PLXNB1: variants seen among roughly 807,000 people sequenced by gnomAD.
PLXNB1 encodes the protein plexin B1, also known as plexin-B1.
A neutral mutation model predicts 209.4 loss-of-function variants in PLXNB1; 106 were observed. That is an observed-to-expected ratio of 0.51 (90% CI 0.43 to 0.59). PLXNB1 has a LOEUF of 0.59. PLXNB1 is among the 20% of genes least tolerant of loss of function. The pLI, the probability that PLXNB1 is intolerant of heterozygous loss-of-function variation, is 0.00. For synonymous variants in PLXNB1, 1,167 were observed against 1,183.2 expected (o/e 0.99, Z 0.28); for missense variants, 2,357 against 2,853.2 (o/e 0.83, Z 3.96).
chr3:48,409,606 G>A lies in PLXNB1; in HGVS notation c.5904C>T (p.Ser1968=), dbSNP rs376514812. Residue 1968 remains serine (S), a synonymous_variant, in exon 33 of 38, where the codon TCC becomes TCT. Coordinates refer to ENST00000296440, the MANE Select transcript of PLXNB1 (RefSeq NM_001130082.3). The surrounding 1 kb of genome is among the most constrained non-coding windows in gnomAD (Gnocchi z 5.8). Reference sequence around the variant, plus strand: ...TCCAGATGTGGATGGTGTCCTGGTCGGAGATGCCATGCTGCTGGGCCTGCT... The same window carrying A: ...TCCAGATGTGGATGGTGTCCTGGTCAGAGATGCCATGCTGCTGGGCCTGCT... ...LDEQAQQHGI[S]DQDTIHIWKT... is the part of the protein sequence containing the mutation. The A allele has an allele frequency of 6.8e-6, 11 of 1,614,014 alleles. No homozygotes were observed. In the Admixed American group the frequency reaches 1.2e-4, roughly 17 times the overall value.
At position 48,410,049 on chromosome 3, in the gene PLXNB1, C is replaced by G. The variant is rs377668722; in HGVS notation, c.5634G>C (p.Glu1878Asp). The G allele has an allele frequency of 1.9e-6, 3 of 1,605,512 alleles. No homozygotes were observed. Among genetic ancestry groups the G allele is most frequent in the East Asian group, 2.2e-5 (1 of 44,758 alleles). The change falls in exon 32 of 38, where the codon GAG (glutamate) becomes GAC (aspartate). Residue 1878 changes from glutamate (E) to aspartate (D), a missense_variant. Coordinates refer to ENST00000296440, the MANE Select transcript of PLXNB1 (RefSeq NM_001130082.3). This position sits in a 1 kb window ranked among gnomAD's most constrained non-coding sequence, Gnocchi z 6.4. ...CCAGGTGCCAGGGCCGGATGCCCCC[C>G]TCATCTACATCCTCCAGCATTGGGG... is the stretch of plus-strand genomic sequence containing the variant. ...ERTPMLEDVD[E>D]GGIRPWHLVK...
chr3:48,410,644 G>T lies in PLXNB1; in HGVS notation c.5417-86C>A. The T allele has an allele frequency of 8.4e-7, 1 of 1,183,896 alleles. No individual in the cohort carries two copies. The highest frequency in any genetic ancestry group is 1.2e-6 in the Non-Finnish European group (1 of 805,990). 73.3% of individuals were successfully genotyped at this position (1,183,896 alleles called of 1,614,324 possible). ...CATCTCCTCCTCCACAGGGACACCA[G>T]CCCCTCCATCATGGGGCAGCCTTAC... On this transcript the variant is annotated intron_variant, in intron 29 of 37. Coordinates refer to ENST00000296440, the MANE Select transcript of PLXNB1 (RefSeq NM_001130082.3). The surrounding 1 kb of genome is among the most constrained non-coding windows in gnomAD (Gnocchi z 6.4).
chr3:48,404,731 G>A, intron 37 of PLXNB1, 141 bp from the exon 38 acceptor site: 2 of 591,954 alleles, frequency 3.4e-6, no homozygotes, highest in East Asian at 2.9e-5. Flanking sequence ...CGTACTTTCT[G>A]GGACCTCAGG....
rs542240925 is a variant in PLXNB1, at chr3:48,420,125, C to G, written c.2161G>C (p.Ala721Pro). 1 of 1,523,826 alleles carries G rather than the reference C, an allele frequency of 6.6e-7. No individual in the cohort carries two copies. Among genetic ancestry groups the G allele is most frequent in the African/African-American group, 1.4e-5 (1 of 71,470 alleles). The allele number at this position is 1,523,826 out of a possible 1,614,324, so 94.4% of individuals were successfully genotyped here. A position where few individuals can be genotyped will look rare whatever the true frequency, so the allele number is the denominator to read the frequency against. Reference protein sequence around the residue: ...VEPGAPSTATASDISPGASPS... With the variant: ...VEPGAPSTATPSDISPGASPS... Reference sequence around the variant, plus strand: ...CTAGCCCCAGGTGAGATGTCCGAAGCTGTGGCTGTGGAGGGAGCCCCAGGC... The same window carrying G: ...CTAGCCCCAGGTGAGATGTCCGAAGGTGTGGCTGTGGAGGGAGCCCCAGGC... The change falls in exon 11 of 38, where the codon GCT becomes CCT. Residue 721 changes from alanine to proline, a missense_variant. By Grantham distance (27) the Ala-to-Pro change is conservative. Coordinates refer to ENST00000296440, the MANE Select transcript of PLXNB1 (RefSeq NM_001130082.3).
rs535061574 is a variant in PLXNB1, at chr3:48,414,205, G to A, written c.4210-134C>T. On this transcript the variant is annotated intron_variant, in intron 21 of 37. Transcript: ENST00000296440. ...CCTCTCAGCACCCTTCCCGAGTGCAGGCCAGTCACACGGTGTCCTCCAAGC... is the reference window on the plus strand; with the variant it reads ...CCTCTCAGCACCCTTCCCGAGTGCAAGCCAGTCACACGGTGTCCTCCAAGC... 1.5e-5 allele frequency: 12 copies of A among 775,024 alleles called. No individual in the cohort carries two copies. The South Asian group carries it at 1.7e-4, about 11-fold the overall frequency. 48.0% of individuals were successfully genotyped at this position (775,024 alleles called of 1,614,324 possible).
Position 48,404,441 on chromosome 3 carries a change from G to A in PLXNB1, c.*45C>T. 1.5e-6 allele frequency: 2 copies of A among 1,362,602 alleles called. No homozygotes were observed. The highest frequency in any genetic ancestry group is 1.2e-5 in the South Asian group (1 of 83,048). 84.4% of individuals were successfully genotyped at this position (1,362,602 alleles called of 1,614,324 possible). A position where few individuals can be genotyped will look rare whatever the true frequency, so the allele number is the denominator to read the frequency against. On this transcript the variant is annotated 3_prime_UTR_variant, in exon 38 of 38. Transcript: ENST00000296440. ...GCCTCTCCTCCGAGCTTCCAGGGCT[G>A]CCCAGGCCAGGCTGAAGCAACAGCA... is the stretch of plus-strand genomic sequence containing the variant.
At position 48,413,878 on chromosome 3, in the gene PLXNB1, G is replaced by A; in HGVS notation, c.4386+17C>T. On this transcript the variant is annotated intron_variant, in intron 22 of 37. Coordinates refer to ENST00000296440, the MANE Select transcript of PLXNB1 (RefSeq NM_001130082.3). The surrounding 1 kb of genome is among the most constrained non-coding windows in gnomAD (Gnocchi z 5.4). ...CCCAGGTCAATGCCCAGCCCGGCCAGGGACCTGCCCACTGACCGTGAACTC... is the reference window on the plus strand; with the variant it reads ...CCCAGGTCAATGCCCAGCCCGGCCAAGGACCTGCCCACTGACCGTGAACTC... The A allele has an allele frequency of 4.4e-6, 7 of 1,606,546 alleles. No homozygotes were observed. Among genetic ancestry groups the A allele is most frequent in the Non-Finnish European group, 6.0e-6 (7 of 1,174,652 alleles).
Position 48,421,782 on chromosome 3 carries a change from C to A in PLXNB1, c.1545G>T (p.Ser515=), listed in dbSNP as rs761988131. ...LGRCSRRSEC[S]RGQGPEQWLW... ...GCCACTGCTCTGGGCCCTGGCCCCT[C>A]GAGCACTCAGAACGGCGACTGCACC... is the stretch of plus-strand genomic sequence containing the variant. Residue 515 remains serine (S), a synonymous_variant, in exon 7 of 38, where the codon TCG becomes TCT. Transcript: ENST00000296440. 1 of 1,603,962 alleles carries A rather than the reference C, an allele frequency of 6.2e-7. No individual in the cohort carries two copies.
At position 48,410,351 on chromosome 3, in the gene PLXNB1, G is replaced by A. The variant is rs2037594774; in HGVS notation, c.5550C>T (p.Val1850=). 2 of 1,613,462 alleles carry A rather than the reference G, an allele frequency of 1.2e-6. No homozygotes were observed. Among genetic ancestry groups the A allele is most frequent in the Non-Finnish European group, 1.7e-6 (2 of 1,179,594 alleles). Residue 1850 remains valine (V), a synonymous_variant, in exon 31 of 38, where the codon GTC becomes GTT. Transcript: ENST00000296440. The surrounding 1 kb of genome is among the most constrained non-coding windows in gnomAD (Gnocchi z 6.4). ...KVPDGATVAL[V]PCLTKHVLRE... ...GGAGCACATGCTTGGTGAGGCAGGG[G>A]ACGAGGGCCACAGTTGCTCCATCTG...
chr3:48,418,093 C>T lies in PLXNB1; in HGVS notation c.3223-31G>A. On this transcript the variant is annotated intron_variant, in intron 15 of 37. Transcript: ENST00000296440. This position sits in a 1 kb window ranked among gnomAD's most constrained non-coding sequence, Gnocchi z 6.6. ...CCAGGACAAGGACTGCTCACCTCTA[C>T]TCAACTGGAAAGGCAGCCCCAACCT... 6.2e-7 allele frequency: 1 copy of T among 1,608,808 alleles called. No homozygotes were observed. The highest frequency in any genetic ancestry group is 8.5e-7 in the Non-Finnish European group (1 of 1,176,738).
At chr3:48,425,260 C>G (rs542061767) in intron 2 of PLXNB1, 21 bp downstream of exon 2, 3 of 152,296 alleles carry the variant, frequency 2.0e-5, no homozygotes, top group African/African-American at 7.2e-5. Context: ...TCCTAGATAT[C>G]TAGTGTGAGG....
rs1381684714 is a variant in PLXNB1 at position 48,413,061 on chromosome 3, A to G, written c.4636+8T>C. On this transcript the variant is annotated splice_region_variant and intron_variant, in intron 24 of 37. Coordinates refer to ENST00000296440, the MANE Select transcript of PLXNB1 (RefSeq NM_001130082.3). The surrounding 1 kb of genome is among the most constrained non-coding windows in gnomAD (Gnocchi z 5.4). ...TCTGGAGGGCGGGGCCCATTCTCTC[A>G]GCCACACCTGTGAATTCCTTCTTGC... The G allele has an allele frequency of 8.1e-6, 13 of 1,612,108 alleles. No individual in the cohort carries two copies. The highest frequency in any genetic ancestry group is 1.3e-5 in the African/African-American group (1 of 74,888).
Position 48,405,998 on chromosome 3 carries a change from G to A in PLXNB1, c.6229-200C>T, listed in dbSNP as rs965264786. On this transcript the variant is annotated intron_variant, in intron 36 of 37. Transcript: ENST00000296440. The surrounding 1 kb of genome is among the most constrained non-coding windows in gnomAD (Gnocchi z 5.0). Reference sequence around the variant, plus strand: ...GTGTGCCAGATGGGGACAGAACAGGGTAGAGCAAGGGGGCCTCCTTGGTAG... The same window carrying A: ...GTGTGCCAGATGGGGACAGAACAGGATAGAGCAAGGGGGCCTCCTTGGTAG... 1 of 528,450 alleles carries A rather than the reference G, an allele frequency of 1.9e-6. No homozygotes were observed. Among genetic ancestry groups the A allele is most frequent in the African/African-American group, 1.9e-5 (1 of 52,082 alleles). The allele number at this position is 528,450 out of a possible 1,614,324, so 32.7% of individuals were successfully genotyped here.
chr3:48,428,899 G>A (rs192461836), intron 1 of PLXNB1, among the ~76,000 whole-genome samples: 50 of 151,594 alleles, frequency 3.3e-4, no homozygotes, highest in African/African-American at 1.2e-3. Flanking sequence ...TTACTACTGA[G>A]GGGAAGCCCC....
Position 48,406,947 on chromosome 3 carries a change from C to T in PLXNB1, c.6153-49G>A, listed in dbSNP as rs1433449442. On this transcript the variant is annotated intron_variant, in intron 35 of 37. Coordinates refer to ENST00000296440, the MANE Select transcript of PLXNB1 (RefSeq NM_001130082.3). The surrounding 1 kb of genome is among the most constrained non-coding windows in gnomAD (Gnocchi z 4.4). ...AGCTGCTGGGTAAACAAGCCCACTCCCCTGCTCCCAACCAGAGCCCACCCC... is the reference window on the plus strand; with the variant it reads ...AGCTGCTGGGTAAACAAGCCCACTCTCCTGCTCCCAACCAGAGCCCACCCC... The T allele has an allele frequency of 6.2e-7, 1 of 1,607,854 alleles. No homozygotes were observed.
intron 10 of PLXNB1, 139 bp from the exon 11 acceptor site, chr3:48,420,396 T>C (rs1453280106): frequency 5.9e-5 from 38 of 647,270 alleles, no homozygotes; most frequent in Non-Finnish European, 5.3e-6. Flanking sequence ...AATTCTCCAC[T>C]GGAGAAAACT....
At position 48,419,222 on chromosome 3, in the gene PLXNB1, G is replaced by A. The variant is rs748512230; in HGVS notation, c.2832+22C>T. On this transcript the variant is annotated intron_variant, in intron 12 of 37. Coordinates refer to ENST00000296440, the MANE Select transcript of PLXNB1 (RefSeq NM_001130082.3). The surrounding 1 kb of genome is among the most constrained non-coding windows in gnomAD (Gnocchi z 5.7). ...AACAGCTAAGGAGGCTGCAAGGACAGCGGCAGGCAGGACACACTGACCTGG... is the reference window on the plus strand; with the variant it reads ...AACAGCTAAGGAGGCTGCAAGGACAACGGCAGGCAGGACACACTGACCTGG... 1.3e-6 allele frequency: 2 copies of A among 1,548,020 alleles called. No individual in the cohort carries two copies. The highest frequency in any genetic ancestry group is 1.7e-6 in the Non-Finnish European group (2 of 1,143,856).
In PLXNB1 at chr3:48,405,599, G is replaced by A. The variant is rs1416755713; in HGVS notation, c.6303+125C>T. 10 of 714,164 alleles carry A rather than the reference G, an allele frequency of 1.4e-5. No homozygotes were observed. Among genetic ancestry groups the A allele is most frequent in the South Asian group, 8.5e-5 (5 of 58,622 alleles). 44.2% of individuals were successfully genotyped at this position (714,164 alleles called of 1,614,324 possible). ...CACTTCTCAAGCCACCAAGGGGCCC[G>A]GCCCCCCACTACTCTGTCCCTGGGG... is the stretch of plus-strand genomic sequence containing the variant. On this transcript the variant is annotated intron_variant, in intron 37 of 37. Transcript: ENST00000296440. The surrounding 1 kb of genome is among the most constrained non-coding windows in gnomAD (Gnocchi z 5.0).
Position 48,410,317 on chromosome 3 carries a change from G to C in PLXNB1, c.5584C>G (p.Gln1862Glu), listed in dbSNP as rs1461205599. 1 of 1,612,364 alleles carries C rather than the reference G, an allele frequency of 6.2e-7. No homozygotes were observed. The highest frequency in any genetic ancestry group is 8.5e-7 in the Non-Finnish European group (1 of 1,178,962). Residue 1862 changes from glutamine to glutamate, a missense_variant, in exon 31 of 38, where the codon CAG becomes GAG. Physicochemically the swap from Gln to Glu is conservative, Grantham distance 29. Transcript: ENST00000296440. This position sits in a 1 kb window ranked among gnomAD's most constrained non-coding sequence, Gnocchi z 6.4. Reference sequence around the variant, plus strand: ...TCACGCTCTCCAGGGACATAATCCTGGTTTTCCCGGAGCACATGCTTGGTG... The same window carrying C: ...TCACGCTCTCCAGGGACATAATCCTCGTTTTCCCGGAGCACATGCTTGGTG... ...CLTKHVLRENQDYVPGERTPM... is the reference protein window; with the variant it reads ...CLTKHVLRENEDYVPGERTPM...
Sources: allele counts gnomAD v4.1 joint callset (sites outside exome capture counted in the v4.1 genomes callset), GRCh38; gene constraint gnomAD v4.1.1; non-coding constraint Gnocchi (gnomAD v3.1); transcripts MANE v1.5; gene names NCBI Gene and HGNC (gene_info 2026-07-23, HGNC 2026-07-21).